The following EVC2 variants were observed in gnomAD, a reference collection of about 807,000 sequenced individuals.
EVC2 encodes limbin.
In EVC2, 148 loss-of-function variants were observed where a neutral mutation model predicts 149.3. The ratio of observed to expected loss-of-function variants is 0.99; its 90% CI spans 0.87 to 1.14. EVC2 has a LOEUF of 1.14. EVC2 is among the 50% of genes most tolerant of loss of function. The probability of loss-of-function intolerance (pLI) is 0.00; values close to 1 mark genes in which losing one functional copy is unlikely to be tolerated. For missense variants in EVC2, 1,854 were observed against 1,627.3 expected (o/e 1.14, Z -2.40); for synonymous variants, 776 against 649.9 (o/e 1.19, Z -2.95).
intron 17 of EVC2, among the ~76,000 whole-genome samples, chr4:5,580,774 G>C (rs1711686457): frequency 1.2e-4 from 1 of 8,630 alleles, no homozygotes; most frequent in Non-Finnish European, 2.6e-4. Flanking sequence ...ATCTTGAATG[G>C]GTGTTAAATT....
chr4:5,628,518 A>G (rs1716288558), intron 12 of EVC2, 41 bp downstream of exon 12: 1 of 1,611,278 alleles, frequency 6.2e-7, no homozygotes. Flanking sequence ...CAGAAAACAG[A>G]CTAAGACAGT....
chr4:5,531,332 T>C, the EVC2 span, among the ~76,000 whole-genome samples: 1 of 151,878 alleles, frequency 6.6e-6, no homozygotes, highest in South Asian at 2.1e-4. Context: ...CTCGCAGATA[T>C]AATAAAATGG....
intron 19 of EVC2, among the ~76,000 whole-genome samples, chr4:5,570,018 G>A (rs1284015767): frequency 1.3e-5 from 2 of 152,104 alleles, no homozygotes; most frequent in Non-Finnish European, 2.9e-5. Flanking sequence ...TCTCTCTCCA[G>A]CGCATTCTTT....
chr4:5,544,249 GAA>G (rs565649059), intron 21 of EVC2, among the ~76,000 whole-genome samples: 6 of 139,278 alleles, frequency 4.3e-5, no homozygotes, highest in African/African-American at 5.2e-5. Context: ...AGTTGTTATG[GAA>G]AAAAAAAAAA....
Position 5,631,969 on chromosome 4 carries a change from T to G in EVC2, c.1534A>C (p.Lys512Gln). ...LHGLEQEHLR[K>Q]SLALQQEEDF... The stretch of plus-strand genomic sequence containing the variant: ...TCTTCTTGTTGCAAAGCGAGAGACT[T>G]CCTCAAGTGCTCCTGTTCCAGGCCA... The change falls in exon 11 of 22, where the codon AAG (lysine) becomes CAG (glutamine). Residue 512 changes from lysine (K) to glutamine (Q), a missense_variant. Physicochemically the swap from Lys to Gln is moderately conservative, Grantham distance 53. Transcript: ENST00000344408. The G allele has an allele frequency of 6.2e-7, 1 of 1,614,226 alleles. No homozygotes were observed.
rs942077737 is a variant in EVC2 at position 5,614,680 on chromosome 4, G to A, written c.2829+742C>T. Among the ~76,000 whole-genome samples, 10 of 152,090 alleles carry A rather than the reference G, an allele frequency of 6.6e-5. No homozygotes were observed. The highest frequency in any genetic ancestry group is 1.2e-4 in the Non-Finnish European group (8 of 68,010). On this transcript the variant is annotated intron_variant, in intron 16 of 21. Coordinates refer to ENST00000344408, the MANE Select transcript of EVC2 (RefSeq NM_147127.5). This position sits in a 1 kb window ranked among gnomAD's most constrained non-coding sequence, Gnocchi z 4.7. ...TGTGTGGTGTGTGCTAGAACATCAC[G>A]TATGAAATGGGGCTGGGCCAGGCAC...
chr4:5,665,671 A>G (rs1000089560), intron 7 of EVC2, 22 bp from the exon 8 acceptor site: 6 of 1,613,362 alleles, frequency 3.7e-6, no homozygotes, highest in Admixed American at 1.7e-5. Context: ...AGAGGAGAGC[A>G]GGATTCATGT....
intron 17 of EVC2, among the ~76,000 whole-genome samples, chr4:5,582,486 T>A (rs1274911047): frequency 1.3e-5 from 2 of 152,236 alleles, no homozygotes; most frequent in Non-Finnish European, 1.5e-5. Flanking sequence ...CAGGAATATT[T>A]ACCCAGTGCC....
At chr4:5,689,511 C>T (rs1021285959) in intron 4 of EVC2, among the ~76,000 whole-genome samples, 168 bp from the exon 5 acceptor site, 1 of 152,058 alleles carries the variant, frequency 6.6e-6, no homozygotes. Context: ...TCAAAGACCC[C>T]CAAGAGGTTT....
In EVC2 at chr4:5,625,307, TAC is replaced by T. The variant is rs71171407; in HGVS notation, c.2046+440_2046+441del. Among the ~76,000 whole-genome samples, 19,530 of 139,434 alleles carry T rather than the reference TAC, an allele frequency of 0.14. 1,276 individuals are homozygous for T. The highest frequency in any genetic ancestry group is 0.15 in the Non-Finnish European group (9,545 of 63,090). The allele number at this position is 139,434 out of a possible 152,430, so 91.5% of individuals were successfully genotyped here. A position where few individuals can be genotyped will look rare whatever the true frequency, so the allele number is the denominator to read the frequency against. On this transcript the variant is annotated intron_variant, in intron 13 of 21. Coordinates refer to ENST00000344408, the MANE Select transcript of EVC2 (RefSeq NM_147127.5). The surrounding 1 kb of genome is among the most constrained non-coding windows in gnomAD (Gnocchi z 4.0). ...CTTACTAGATATTTGACCTTGACCATACACACACACACACACACACACACACA... is the reference window on the plus strand; with the variant it reads ...CTTACTAGATATTTGACCTTGACCATACACACACACACACACACACACACA...
intron 16 of EVC2, among the ~76,000 whole-genome samples, chr4:5,607,130 A>G (rs1180068444): frequency 2.6e-5 from 4 of 152,236 alleles, no homozygotes; most frequent in Non-Finnish European, 5.9e-5. Flanking sequence ...GACCTTATGT[A>G]TAAGGTCACC....
In EVC2 at chr4:5,625,113, A is replaced by G. The variant is rs4353848; in HGVS notation, c.2046+636T>C. 6.6e-6 allele frequency among the ~76,000 whole-genome samples: 1 copy of G among 151,836 alleles called. No homozygotes were observed. Among genetic ancestry groups the G allele is most frequent in the South Asian group, 2.1e-4 (1 of 4,804 alleles). ...CTGATGTCTCTCTCACCTCCGGAAGACCCTTCAACATTCCCCACTATCCTT... is the reference window on the plus strand; with the variant it reads ...CTGATGTCTCTCTCACCTCCGGAAGGCCCTTCAACATTCCCCACTATCCTT... On this transcript the variant is annotated intron_variant, in intron 13 of 21. Transcript: ENST00000344408. This position sits in a 1 kb window ranked among gnomAD's most constrained non-coding sequence, Gnocchi z 4.0.
At chr4:5,691,221 C>G in intron 4 of EVC2, 44 bp downstream of exon 4, 1 of 1,556,740 alleles carries the variant, frequency 6.4e-7, no homozygotes, top group Non-Finnish European at 8.9e-7. Context: ...TGGGCAAAAT[C>G]CAATTATTTT....
downstream of EVC2, among the ~76,000 whole-genome samples, chr4:5,558,302 A>C (rs1721876028): frequency 6.6e-6 from 1 of 152,218 alleles, no homozygotes; most frequent in Non-Finnish European, 1.5e-5. Flanking sequence ...TTATAAGGAC[A>C]TTCTAGAAAA....
At chr4:5,570,752 C>A (rs1443034966) in intron 19 of EVC2, among the ~76,000 whole-genome samples, 5 of 152,148 alleles carry the variant, frequency 3.3e-5, no homozygotes, top group Non-Finnish European at 7.3e-5. Context: ...CCAAAGTGCC[C>A]ATCAACCAAC....
intron 9 of EVC2, among the ~76,000 whole-genome samples, chr4:5,641,840 G>T (rs1428380576): frequency 6.6e-6 from 1 of 152,136 alleles, no homozygotes; most frequent in East Asian, 1.9e-4. Context: ...TGTTACACAG[G>T]TTTACATGTG....
Position 5,679,606 on chromosome 4 carries a change from A to AATTTTTT in EVC2, c.870+1647_870+1653dup, listed in dbSNP as rs537099304. On this transcript the variant is annotated intron_variant, in intron 7 of 21. Transcript: ENST00000344408. The surrounding 1 kb of genome is among the most constrained non-coding windows in gnomAD (Gnocchi z 5.1). The stretch of plus-strand genomic sequence containing the variant: ...TAATAAGTTAATCTTGGCTTACTGT[A>AATTTTTT]ATTTTTTATTTTTTATTTTATTTTA... Among the ~76,000 whole-genome samples, 5 of 152,210 alleles carry AATTTTTT rather than the reference A, an allele frequency of 3.3e-5. No individual in the cohort carries two copies. In the East Asian group the frequency reaches 9.7e-4, roughly 29 times the overall value.
At chr4:5,629,308 C>T (rs2108847971) in intron 11 of EVC2, among the ~76,000 whole-genome samples, 1 of 152,332 alleles carries the variant, frequency 6.6e-6, no homozygotes, top group Middle Eastern at 3.4e-3. Flanking sequence ...CATGTCTCAT[C>T]TAACTCAACC....
chr4:5,708,662 G>A (rs6821316), upstream of EVC2: 6,684 of 554,666 alleles, frequency 0.012, 323 homozygotes, highest in African/African-American at 0.11. Context: ...GGGGCTTGGC[G>A]GGCCAGGAGG....
Sources: allele counts gnomAD v4.1 joint callset (sites outside exome capture counted in the v4.1 genomes callset), GRCh38; gene constraint gnomAD v4.1.1; non-coding constraint Gnocchi (gnomAD v3.1); transcripts MANE v1.5; gene names NCBI Gene and HGNC (gene_info 2026-07-23, HGNC 2026-07-21).